Variants in DCUN1D4 observed in about 807,000 individuals in gnomAD.
DCUN1D4 encodes the protein DCN1-like protein 4.
In DCUN1D4, 22 loss-of-function variants were observed where a neutral mutation model predicts 47.9. The ratio of observed to expected loss-of-function variants is 0.46; its 90% CI spans 0.33 to 0.66. The LOEUF is 0.66. Among genes scored for constraint, DCUN1D4 ranks in the 30% least tolerant of loss-of-function variants. The pLI, the probability that DCUN1D4 is intolerant of heterozygous loss-of-function variation, is 0.02. For missense variants in DCUN1D4, 301 were observed against 340.8 expected (o/e 0.88, Z 0.92); for synonymous variants, 121 against 112.2 (o/e 1.08, Z -0.50).
intron 7 of DCUN1D4, among the ~76,000 whole-genome samples, chr4:51,892,612 C>T (rs1730601597): frequency 6.6e-6 from 1 of 152,154 alleles, no homozygotes; most frequent in African/African-American, 2.4e-5. Context: ...TGTAACCTGA[C>T]CCAGGATAAG....
At chr4:51,885,587 T>A (rs1577975198) in intron 5 of DCUN1D4, among the ~76,000 whole-genome samples, 1 of 152,070 alleles carries the variant, frequency 6.6e-6, no homozygotes, top group Non-Finnish European at 1.5e-5. Context: ...GAGCAGCTAG[T>A]GATAAAGAGG....
the DCUN1D4 span, among the ~76,000 whole-genome samples, chr4:51,835,238 T>A: frequency 6.6e-6 from 1 of 152,248 alleles, no homozygotes; most frequent in African/African-American, 2.4e-5. Flanking sequence ...ATTCTCTGAC[T>A]TCCATCACTT....
At chr4:51,877,662 A>G in intron 4 of DCUN1D4, 101 bp from the exon 5 acceptor site, 1 of 726,732 alleles carries the variant, frequency 1.4e-6, no homozygotes, top group Non-Finnish European at 2.3e-6. Context: ...TAAAATACTG[A>G]TTGAATAGAT....
chr4:51,910,966 T>G, intron 8 of DCUN1D4, 104 bp from the exon 9 acceptor site: 143 of 1,129,338 alleles, frequency 1.3e-4, no homozygotes, highest in Non-Finnish European at 1.8e-4. Context: ...GTATGATAAA[T>G]GAGCTGTTTA....
At chr4:51,901,867 A>AGTTTC (rs1291937554) in intron 8 of DCUN1D4, among the ~76,000 whole-genome samples, 3 of 152,206 alleles carry the variant, frequency 2.0e-5, no homozygotes, top group Admixed American at 6.5e-5. Context: ...ATATTTAATC[A>AGTTTC]TTGCTTAATT....
chr4:51,907,628 ATCT>A (rs1487330198), intron 8 of DCUN1D4, among the ~76,000 whole-genome samples: 20 of 152,050 alleles, frequency 1.3e-4, no homozygotes, highest in African/African-American at 4.6e-4. Context: ...TCTCTTGAAA[ATCT>A]TCTGGGTTTT....
chr4:51,843,756 G>A (rs1721990467), intron 1 of DCUN1D4: 10 of 1,138,858 alleles, frequency 8.8e-6, no homozygotes, highest in Non-Finnish European at 1.1e-5. Context: ...AGTGCGAGGG[G>A]GGCGCGGGGG....
chr4:51,862,876 A>G (rs1029906363), intron 1 of DCUN1D4, among the ~76,000 whole-genome samples: 2 of 152,058 alleles, frequency 1.3e-5, no homozygotes, highest in Non-Finnish European at 2.9e-5. Flanking sequence ...TTAGCTGTGC[A>G]TGATGGTGCA....
At chr4:51,844,400 G>A (rs963191600) in intron 1 of DCUN1D4, 12 of 984,678 alleles carry the variant, frequency 1.2e-5, no homozygotes, top group Non-Finnish European at 1.4e-5. Flanking sequence ...GGGAAGCGAG[G>A]TCAGCGCTGG....
Position 51,915,550 on chromosome 4 carries a change from A to G in DCUN1D4, c.*1966A>G, listed in dbSNP as rs1734249554. On this transcript the variant is annotated 3_prime_UTR_variant, in exon 11 of 11. Transcript: ENST00000334635. ...GCAGGTTTGGATCTGTGAAGAATTG[A>G]TTCATTTTCAAAATTATTCCATAAA... 6.6e-6 allele frequency: 1 copy of G among 152,458 alleles called. No homozygotes were observed. Among genetic ancestry groups the G allele is most frequent in the Non-Finnish European group, 1.5e-5 (1 of 68,022 alleles). The allele number at this position is 152,458 out of a possible 1,614,324, so 9.4% of individuals were successfully genotyped here.
chr4:51,885,626 T>C (rs1729359422), intron 5 of DCUN1D4, among the ~76,000 whole-genome samples: 1 of 152,174 alleles, frequency 6.6e-6, no homozygotes, highest in African/African-American at 2.4e-5. Flanking sequence ...GGGGAAAGTG[T>C]GGTCTAGAAA....
the DCUN1D4 span, among the ~76,000 whole-genome samples, chr4:51,836,343 G>A: frequency 3.3e-5 from 5 of 152,168 alleles, no homozygotes; most frequent in Admixed American, 1.3e-4. Flanking sequence ...GTGTAACAAA[G>A]TAAAATGTAA....
intron 4 of DCUN1D4, chr4:51,874,913 G>A (rs1196389880): frequency 1.3e-5 from 2 of 152,276 alleles, no homozygotes; most frequent in Non-Finnish European, 2.9e-5. Flanking sequence ...GTAACTCCAA[G>A]GGCCTGTTAG....
chr4:51,842,954 C>A (rs868266391), upstream of DCUN1D4: 13 of 923,872 alleles, frequency 1.4e-5, no homozygotes, highest in Middle Eastern at 3.7e-4. Context: ...ATGGCCTCCG[C>A]CAGGGGCGTT....
chr4:51,863,757 T>G, intron 3 of DCUN1D4, 48 bp downstream of exon 3: 1 of 1,558,060 alleles, frequency 6.4e-7, no homozygotes, highest in Non-Finnish European at 8.8e-7. Flanking sequence ...CTTCTTAATA[T>G]TAGGAAAGAG....
At chr4:51,853,435 C>T (rs1023267430) in intron 1 of DCUN1D4, among the ~76,000 whole-genome samples, 1 of 152,056 alleles carries the variant, frequency 6.6e-6, no homozygotes, top group Non-Finnish European at 1.5e-5. Context: ...TGGTTTTTAC[C>T]CTGCTTTTCA....
chr4:51,834,099 C>CTTTTTTTTTTTTTT, the DCUN1D4 span, among the ~76,000 whole-genome samples: 3 of 40,824 alleles, frequency 7.3e-5, no homozygotes, highest in Non-Finnish European at 1.2e-4. Flanking sequence ...TTCTTTTCTT[C>CTTTTTTTTTTTTTT]TTTCTTTTTT....
chr4:51,902,856 C>T (rs541702846), intron 8 of DCUN1D4, among the ~76,000 whole-genome samples: 4 of 151,984 alleles, frequency 2.6e-5, no homozygotes, highest in African/African-American at 9.6e-5. Flanking sequence ...GCCTTATTAA[C>T]TTTTTTTTCC....
intron 8 of DCUN1D4, among the ~76,000 whole-genome samples, chr4:51,908,478 C>G (rs1481816874): frequency 6.6e-6 from 1 of 152,126 alleles, no homozygotes; most frequent in Non-Finnish European, 1.5e-5. Flanking sequence ...TGGTCTGCCC[C>G]TTGCTCCTTG....
Sources: gnomAD v4.1 joint callset for allele counts (sites outside exome capture counted in the v4.1 genomes callset) on GRCh38, gnomAD v4.1.1 for gene constraint, MANE v1.5 for transcripts, NCBI Gene and HGNC (gene_info 2026-07-23, HGNC 2026-07-21) for gene names.